ANKRD50: variants seen among roughly 807,000 people sequenced by gnomAD.
The protein encoded by ANKRD50 is ankyrin repeat domain 50.
A neutral mutation model predicts 112.0 loss-of-function variants in ANKRD50; 40 were observed. The observed-to-expected ratio is 0.36, with a 90% CI of 0.28 to 0.46. The LOEUF is 0.46. ANKRD50 is among the 20% of genes least tolerant of loss of function. ANKRD50 has a pLI of 1.00. For missense variants in ANKRD50, 1,487 were observed against 1,701.7 expected, an observed-to-expected ratio of 0.87 and a Z score of 2.22; for synonymous variants, 613 against 619.1, an observed-to-expected ratio of 0.99 and a Z score of 0.15.
At position 124,669,768 on chromosome 4, in the gene ANKRD50, G is replaced by T. The variant is rs1180594918; in HGVS notation, c.3509C>A (p.Ser1170Tyr). The change falls in exon 4 of 5, where the codon TCT becomes TAT. Residue 1170 changes from serine (S) to tyrosine (Y), a missense_variant. Around this residue, in one of 2 missense-constraint regions of ANKRD50, gnomAD observed 441 missense variants for 432.2 expected, o/e 1.02. Coordinates refer to ENST00000504087, the MANE Select transcript of ANKRD50 (RefSeq NM_020337.3). Reference protein sequence around the residue: ...AFSSPSESPDSTVDRQKSSLS... With the variant: ...AFSSPSESPDYTVDRQKSSLS... ...TGATGACTTCTGCCGGTCAACTGTA[G>T]AATCTGGAGATTCTGAAGGAGAACT... The T allele has an allele frequency of 6.2e-7, 1 of 1,613,072 alleles. No individual in the cohort carries two copies. The highest frequency in any genetic ancestry group is 8.5e-7 in the Non-Finnish European group (1 of 1,179,680).
At chr4:124,701,898 T>C (rs952851097) in intron 2 of ANKRD50, among the ~76,000 whole-genome samples, 1 of 151,766 alleles carries the variant, frequency 6.6e-6, no homozygotes, top group African/African-American at 2.4e-5. Flanking sequence ...AAATTAAAAT[T>C]AAAAAAGGCA....
intron 2 of ANKRD50, among the ~76,000 whole-genome samples, chr4:124,683,303 T>C (rs1338988543): frequency 1.3e-5 from 2 of 151,292 alleles, no homozygotes; most frequent in African/African-American, 4.8e-5. Flanking sequence ...CATATATTAA[T>C]ATTATATACT....
chr4:124,696,839 T>C (rs972569738), intron 2 of ANKRD50, among the ~76,000 whole-genome samples: 1 of 152,186 alleles, frequency 6.6e-6, no homozygotes, highest in Non-Finnish European at 1.5e-5. Context: ...ATTTCAAATA[T>C]AGCAAACACA....
chr4:124,697,740 G>T (rs946556723), intron 2 of ANKRD50, among the ~76,000 whole-genome samples: 1 of 151,632 alleles, frequency 6.6e-6, no homozygotes, highest in African/African-American at 2.4e-5. Flanking sequence ...ACACTAAATA[G>T]ACTAATACGG....
At chr4:124,692,202 A>G (rs1725154338) in intron 2 of ANKRD50, among the ~76,000 whole-genome samples, 1 of 152,226 alleles carries the variant, frequency 6.6e-6, no homozygotes, top group African/African-American at 2.4e-5. Context: ...AATCTGAAAC[A>G]TTCTGATCCC....
chr4:124,669,480 T>C lies in ANKRD50; in HGVS notation c.3797A>G (p.Lys1266Arg). ...SQVKPSLKSTKASKGGKSENS... is the reference protein window; with the variant it reads ...SQVKPSLKSTRASKGGKSENS... Reference sequence around the variant, plus strand: ...TTCTGATTTCCCCCCTTTACTTGCTTTAGTTGACTTCAAACTGGGCTTTAC... The same window carrying C: ...TTCTGATTTCCCCCCTTTACTTGCTCTAGTTGACTTCAAACTGGGCTTTAC... The change falls in exon 4 of 5, where the codon AAA becomes AGA. Residue 1266 changes from lysine (K) to arginine (R), a missense_variant. Lys to Arg is a conservative substitution (Grantham distance 26). Around this residue, in one of 2 missense-constraint regions of ANKRD50, gnomAD observed 441 missense variants for 432.2 expected, o/e 1.02. Coordinates refer to ENST00000504087, the MANE Select transcript of ANKRD50 (RefSeq NM_020337.3). The C allele has an allele frequency of 6.2e-7, 1 of 1,612,846 alleles. No individual in the cohort carries two copies. The highest frequency in any genetic ancestry group is 8.5e-7 in the Non-Finnish European group (1 of 1,179,650).
At position 124,668,393 on chromosome 4, in the gene ANKRD50, T is replaced by A. The variant is rs1342198594; in HGVS notation, c.*3+591A>T. 4.6e-5 allele frequency among the ~76,000 whole-genome samples: 7 copies of A among 152,090 alleles called. No homozygotes were observed. The East Asian group carries it at 1.4e-3, about 29-fold the overall frequency. Reference sequence around the variant, plus strand: ...AACTACCTTCTACTAAGTTTTTGACTTCTTTCTGAGTGAAAAGGAATGAAA... The same window carrying A: ...AACTACCTTCTACTAAGTTTTTGACATCTTTCTGAGTGAAAAGGAATGAAA... On this transcript the variant is annotated intron_variant, in intron 4 of 4. Transcript: ENST00000504087.
intron 2 of ANKRD50, among the ~76,000 whole-genome samples, chr4:124,681,501 T>A (rs565415886): frequency 2.2e-4 from 33 of 152,282 alleles, no homozygotes; most frequent in Admixed American, 8.5e-4. Context: ...CCTTCTCCCC[T>A]AGTCCTGGGC....
In ANKRD50 at chr4:124,671,280, T is replaced by A; in HGVS notation, c.1997A>T (p.His666Leu). ...HEDIVLNLLQ[H>L]GAEVNKADNE... ...ATCAGCTTTGTTCACTTCAGCGCCA[T>A]GTTGTAGCAAATTCAGTACAATATC... The change falls in exon 4 of 5, where the codon CAT becomes CTT. Residue 666 changes from histidine to leucine, a missense_variant. His to Leu is a moderately conservative substitution (Grantham distance 99). Around this residue, in one of 2 missense-constraint regions of ANKRD50, gnomAD observed 1,046 missense variants for 1,269.5 expected, o/e 0.82. Transcript: ENST00000504087. 6.2e-7 allele frequency: 1 copy of A among 1,613,832 alleles called. No homozygotes were observed. The highest frequency in any genetic ancestry group is 1.7e-5 in the Admixed American group (1 of 59,974).
chr4:124,670,130 G>C lies in ANKRD50; in HGVS notation c.3147C>G (p.Leu1049=), dbSNP rs200351787. 4.0e-5 allele frequency: 64 copies of C among 1,612,958 alleles called. No individual in the cohort carries two copies. Among genetic ancestry groups the C allele is most frequent in the Admixed American group, 1.3e-4 (8 of 59,702 alleles). The part of the protein sequence containing the change: ...DHTCNQGATA[L]CIAAQEGHID... ...TGTGCCCTTCCTGGGCTGCAATACA[G>C]AGTGCAGTTGCACCTTGGTTACATG... The change falls in exon 4 of 5, where the codon CTC becomes CTG. Residue 1049 remains leucine, a synonymous_variant. Coordinates refer to ENST00000504087, the MANE Select transcript of ANKRD50 (RefSeq NM_020337.3).
At position 124,670,677 on chromosome 4, in the gene ANKRD50, A is replaced by G. The variant is rs201944477; in HGVS notation, c.2600T>C (p.Ile867Thr). 154 of 1,613,212 alleles carry G rather than the reference A, an allele frequency of 9.5e-5. No individual in the cohort carries two copies. The highest frequency in any genetic ancestry group is 5.0e-4 in the Middle Eastern group (3 of 6,048). The change falls in exon 4 of 5, where the codon ATT (isoleucine) becomes ACT (threonine). Residue 867 changes from isoleucine to threonine, a missense_variant. Coordinates refer to ENST00000504087, the MANE Select transcript of ANKRD50 (RefSeq NM_020337.3). ...EGHRLICEALIEQGARTNEID... is the reference protein window; with the variant it reads ...EGHRLICEALTEQGARTNEID... Reference sequence around the variant, plus strand: ...CTCATTTGTTCTAGCACCTTGTTCAATAAGTGCTTCACATATCAATCTGTG... The same window carrying G: ...CTCATTTGTTCTAGCACCTTGTTCAGTAAGTGCTTCACATATCAATCTGTG...
At chr4:124,698,607 G>T (rs926833201) in intron 2 of ANKRD50, among the ~76,000 whole-genome samples, 3 of 151,676 alleles carry the variant, frequency 2.0e-5, no homozygotes, top group African/African-American at 4.8e-5. Context: ...CTTTCCAAGG[G>T]GTCTGTGAGG....
At chr4:124,691,190 T>C (rs966795100) in intron 2 of ANKRD50, among the ~76,000 whole-genome samples, 1 of 152,110 alleles carries the variant, frequency 6.6e-6, no homozygotes, top group African/African-American at 2.4e-5. Context: ...TTGTTATCCA[T>C]TGGCTTTAAA....
chr4:124,682,421 T>C (rs116125343), intron 2 of ANKRD50, among the ~76,000 whole-genome samples: 1,701 of 152,122 alleles, frequency 0.011, 41 homozygotes, highest in African/African-American at 0.039. Flanking sequence ...GGTAACAGTA[T>C]TGTCCAAGGG....
chr4:124,692,009 G>A (rs573108824), intron 2 of ANKRD50, among the ~76,000 whole-genome samples: 14 of 152,270 alleles, frequency 9.2e-5, no homozygotes, highest in Non-Finnish European at 1.9e-4. Context: ...AAGTCAAAAT[G>A]CAGGCACACC....
At chr4:124,684,044 T>G (rs1724951635) in intron 2 of ANKRD50, among the ~76,000 whole-genome samples, 1 of 152,088 alleles carries the variant, frequency 6.6e-6, no homozygotes, top group Non-Finnish European at 1.5e-5. Flanking sequence ...TTCCAAGCAC[T>G]TATATCTCTG....
Position 124,669,045 on chromosome 4 carries a change from T to G in ANKRD50, c.4232A>C (p.Lys1411Thr), listed in dbSNP as rs775628252. 6.8e-6 allele frequency: 11 copies of G among 1,612,766 alleles called. No individual in the cohort carries two copies. In the African/African-American group the frequency reaches 8.0e-5, roughly 12 times the overall value. ...AGGGTCAGAACCTTCAATCTGAAGC[T>G]TCAGAGCTTGTTTAAGGCTTAATTC... ...ETELSLKQAL[K>T]LQIEGSDPSF... Residue 1411 changes from lysine (K) to threonine (T), a missense_variant, in exon 4 of 5, where the codon AAG (lysine) becomes ACG (threonine). Lys to Thr is a moderately conservative substitution (Grantham distance 78, BLOSUM62 -1). This residue lies in a region of ANKRD50 where 441 missense variants were observed against 432.2 expected (regional missense o/e 1.02). Coordinates refer to ENST00000504087, the MANE Select transcript of ANKRD50 (RefSeq NM_020337.3).
chr4:124,705,649 C>T (rs1254948218), intron 2 of ANKRD50, among the ~76,000 whole-genome samples: 1 of 152,166 alleles, frequency 6.6e-6, no homozygotes, highest in African/African-American at 2.4e-5. Context: ...ATCTTCTAAA[C>T]CAGCCACAAA....
At position 124,710,187 on chromosome 4, in the gene ANKRD50, C is replaced by T. The variant is rs1725597566; in HGVS notation, c.325G>A (p.Ala109Thr). 6.2e-7 allele frequency: 1 copy of T among 1,614,030 alleles called. No individual in the cohort carries two copies. The highest frequency in any genetic ancestry group is 8.5e-7 in the Non-Finnish European group (1 of 1,180,048). ...TCCTGGGCTTTGCAGAAATGAAAGG[C>T]CAAAGCTTGGCGATGTAAACCTCTC... Reference protein sequence around the residue: ...LQRGLHRQALAFHFCKAQDSD... With the variant: ...LQRGLHRQALTFHFCKAQDSD... Residue 109 changes from alanine (A) to threonine (T), a missense_variant, in exon 2 of 5, where the codon GCC becomes ACC. By Grantham distance (58) the Ala-to-Thr change is moderately conservative. Transcript: ENST00000504087.
Sources: gnomAD v4.1 joint callset for allele counts (sites outside exome capture counted in the v4.1 genomes callset) on GRCh38, gnomAD v4.1.1 for gene constraint, gnomAD v4.1.1 regional missense constraint, MANE v1.5 for transcripts, NCBI Gene and HGNC (gene_info 2026-07-23, HGNC 2026-07-21) for gene names.